NSD1: variants seen among roughly 807,000 people sequenced by gnomAD.
The protein encoded by NSD1 is nuclear receptor binding SET domain protein 1, also known as histone-lysine N-methyltransferase, H3 lysine-36 specific.
NSD1 carries 26 observed loss-of-function variants against 242.7 expected under a neutral mutation model. The observed-to-expected ratio is 0.11, with a 90% CI of 0.08 to 0.15. NSD1 has a LOEUF of 0.15. Ranked by LOEUF, NSD1 falls within the 10% of genes least tolerant of loss-of-function variation. The probability of loss-of-function intolerance (pLI) is 1.00; values close to 1 mark genes in which losing one functional copy is unlikely to be tolerated. For missense variants in NSD1, 2,495 were observed against 3,272.8 expected, an observed-to-expected ratio of 0.76 and a Z score of 5.80; for synonymous variants, 1,106 against 1,178.1, an observed-to-expected ratio of 0.94 and a Z score of 1.25.
intron 2 of NSD1, among the ~76,000 whole-genome samples, chr5:177,139,903 C>T (rs1756666801): frequency 6.7e-6 from 1 of 149,058 alleles, no homozygotes; most frequent in African/African-American, 2.5e-5. Context: ...ATGATCATGC[C>T]ACTGCATTCC....
At chr5:177,182,115 G>A (rs1232433276) in intron 2 of NSD1, among the ~76,000 whole-genome samples, 1 of 150,758 alleles carries the variant, frequency 6.6e-6, no homozygotes, top group East Asian at 2.0e-4. Context: ...TCGCGCCACC[G>A]CACTCCAGCC....
At chr5:177,213,027 C>T (rs1451708230) in intron 5 of NSD1, among the ~76,000 whole-genome samples, 1 of 152,156 alleles carries the variant, frequency 6.6e-6, no homozygotes, top group East Asian at 1.9e-4. Flanking sequence ...TGCAAGTATT[C>T]TGTAGTACTT....
At chr5:177,160,277 T>C (rs1758635299) in intron 2 of NSD1, among the ~76,000 whole-genome samples, 1 of 152,136 alleles carries the variant, frequency 6.6e-6, no homozygotes, top group Non-Finnish European at 1.5e-5. Context: ...TGAGCTTTAC[T>C]TCATTTTTTA....
intron 2 of NSD1, among the ~76,000 whole-genome samples, chr5:177,176,041 A>G (rs1235797801): frequency 1.3e-5 from 2 of 151,950 alleles, no homozygotes; most frequent in African/African-American, 4.8e-5. Flanking sequence ...ATGCCCAGCT[A>G]ATTTTTGTAG....
chr5:177,265,813 C>T (rs879214117), intron 14 of NSD1: 5 of 1,390,740 alleles, frequency 3.6e-6, no homozygotes, highest in East Asian at 2.3e-5. Flanking sequence ...TGTGGCAGTG[C>T]GTAAACTCGA....
intron 3 of NSD1, among the ~76,000 whole-genome samples, chr5:177,198,925 C>T (rs58420080): frequency 3.3e-5 from 5 of 152,118 alleles, no homozygotes; most frequent in Non-Finnish European, 7.3e-5. Flanking sequence ...CACACCCATA[C>T]GTGTTTGCCT....
chr5:177,207,093 C>T (rs888318723), intron 4 of NSD1, among the ~76,000 whole-genome samples: 5 of 151,722 alleles, frequency 3.3e-5, no homozygotes, highest in African/African-American at 9.7e-5. Flanking sequence ...TGCGCCACCA[C>T]GCCCTGCTAA....
intron 5 of NSD1, among the ~76,000 whole-genome samples, chr5:177,226,053 G>A (rs114167666): frequency 0.015 from 2,313 of 152,128 alleles, 36 homozygotes; most frequent in South Asian, 0.048. Flanking sequence ...ATAGTTTTTC[G>A]TTTTTGTTTT....
At chr5:177,254,961 G>C (rs1156292970) in intron 12 of NSD1, among the ~76,000 whole-genome samples, 1 of 152,026 alleles carries the variant, frequency 6.6e-6, no homozygotes, top group East Asian at 1.9e-4. Context: ...TCACTTATTA[G>C]TGCTCTTGGC....
In NSD1 at chr5:177,138,568, T is replaced by C. The variant is rs568084660; in HGVS notation, c.927+2538T>C. 4.6e-5 allele frequency among the ~76,000 whole-genome samples: 7 copies of C among 151,710 alleles called. No homozygotes were observed. In the South Asian group the frequency reaches 8.3e-4, roughly 18 times the overall value. ...ACCGTACCCATCCCCTAATTTATTA[T>C]TTTAGGAATTTGGTTCAAAGTTGTG... On this transcript the variant is annotated intron_variant, in intron 2 of 22. Transcript: ENST00000439151.
chr5:177,143,774 A>T (rs1469212255), intron 2 of NSD1, among the ~76,000 whole-genome samples: 1 of 149,788 alleles, frequency 6.7e-6, no homozygotes, highest in Non-Finnish European at 1.5e-5. Flanking sequence ...AGTCTATGAT[A>T]CAAGATAACT....
At chr5:177,223,099 A>G (rs1764366579) in intron 5 of NSD1, among the ~76,000 whole-genome samples, 1 of 146,836 alleles carries the variant, frequency 6.8e-6, no homozygotes, top group Non-Finnish European at 1.5e-5. Context: ...TTTTTTTCAG[A>G]CAGAGTCTCG....
chr5:177,294,151 G>A lies in NSD1; in HGVS notation c.6783G>A (p.Met2261Ile). Reference protein sequence around the residue: ...SDKPPADTNQMLSLSKKALAG... With the variant: ...SDKPPADTNQILSLSKKALAG... ...AACCTCCTGCTGACACCAACCAGAT[G>A]CTGTCGCTCTCCAAAAAAGCTCTGG... The change falls in exon 23 of 23, where the codon ATG becomes ATA. Residue 2261 changes from methionine to isoleucine, a missense_variant. Met to Ile is a conservative substitution (Grantham distance 10). Around this residue, in one of 19 missense-constraint regions of NSD1, gnomAD observed 475 missense variants for 563.7 expected, o/e 0.84. Coordinates refer to ENST00000439151, the MANE Select transcript of NSD1 (RefSeq NM_022455.5). The A allele has an allele frequency of 6.2e-7, 1 of 1,614,164 alleles. No individual in the cohort carries two copies. The highest frequency in any genetic ancestry group is 8.5e-7 in the Non-Finnish European group (1 of 1,180,032).
intron 3 of NSD1, among the ~76,000 whole-genome samples, chr5:177,195,865 T>C (rs1250800595): frequency 2.0e-5 from 3 of 152,168 alleles, no homozygotes; most frequent in African/African-American, 7.2e-5. Flanking sequence ...TGCTAGGTTT[T>C]GGGATTCATT....
At chr5:177,132,159 TTGTCCCGGCCAGCCGGGCGGTCCCG>T (rs2149750973), upstream of NSD1, among the ~76,000 whole-genome samples, 1 of 152,188 alleles carries the variant, frequency 6.6e-6, no homozygotes, top group South Asian at 2.1e-4. The surrounding 1 kb of genome is among the most constrained non-coding windows in gnomAD (Gnocchi z 7.5). Context: ...GCCAGCGGGC[TTGTCCCGGCCAGCCGGGCGGTCCCG>T]TGTCCCGGCG....
intron 2 of NSD1, among the ~76,000 whole-genome samples, chr5:177,150,732 A>T (rs1757634752): frequency 6.6e-6 from 1 of 152,172 alleles, no homozygotes; most frequent in Admixed American, 6.6e-5. Flanking sequence ...TACCAGAGTG[A>T]GTCTGAAGGT....
chr5:177,240,606 G>A (rs532262937), intron 8 of NSD1, among the ~76,000 whole-genome samples: 3 of 152,098 alleles, frequency 2.0e-5, no homozygotes, highest in East Asian at 1.9e-4. Context: ...CCAGCTACTC[G>A]GGAGGCTGAG....
At chr5:177,158,244 T>C (rs916177546) in intron 2 of NSD1, among the ~76,000 whole-genome samples, 1 of 53,576 alleles carries the variant, frequency 1.9e-5, no homozygotes, top group African/African-American at 7.9e-5. Context: ...CTAATTTCTT[T>C]CTTTCTTTCT....
At chr5:177,191,735 G>A in intron 2 of NSD1, 149 bp from the exon 3 acceptor site, 1 of 760,158 alleles carries the variant, frequency 1.3e-6, no homozygotes, top group Non-Finnish European at 2.2e-6. Context: ...GAATAATTTA[G>A]TTGTACTTAT....
Sources: gnomAD v4.1 joint callset for allele counts (sites outside exome capture counted in the v4.1 genomes callset) on GRCh38, gnomAD v4.1.1 for gene constraint, gnomAD v4.1.1 regional missense constraint, Gnocchi (gnomAD v3.1) non-coding constraint, MANE v1.5 for transcripts, NCBI Gene and HGNC (gene_info 2026-07-23, HGNC 2026-07-21) for gene names.